The following CFAP20DC variants were observed in gnomAD, a reference collection of about 807,000 sequenced individuals.
CFAP20DC encodes protein CFAP20DC.
CFAP20DC carries 84 observed loss-of-function variants against 101.7 expected under a neutral mutation model. The ratio of observed to expected loss-of-function variants is 0.83; its 90% CI spans 0.69 to 0.99. The LOEUF is 0.99. Among genes scored for constraint, CFAP20DC ranks in the 50% least tolerant of loss-of-function variants. The probability of loss-of-function intolerance (pLI) is 0.00; values close to 1 mark genes in which losing one functional copy is unlikely to be tolerated. For missense variants in CFAP20DC, 1,007 were observed against 970.3 expected (o/e 1.04, Z -0.50); for synonymous variants, 359 against 351.2 (o/e 1.02, Z -0.25).
chr3:59,044,377 G>C (rs1479186856), intron 3 of CFAP20DC, among the ~76,000 whole-genome samples: 1 of 151,988 alleles, frequency 6.6e-6, no homozygotes, highest in Non-Finnish European at 1.5e-5. Flanking sequence ...TAACCTTAAA[G>C]GCATCAGTGC....
chr3:58,877,087 TA>T (rs1487623039), intron 7 of CFAP20DC, among the ~76,000 whole-genome samples: 1 of 152,072 alleles, frequency 6.6e-6, no homozygotes, highest in Non-Finnish European at 1.5e-5. Context: ...CAGTAGGGAG[TA>T]ATGCTATTAA....
Position 59,036,355 on chromosome 3 carries a change from T to C in CFAP20DC, c.278+3202A>G, listed in dbSNP as rs151292004. Among the ~76,000 whole-genome samples, 386 of 152,264 alleles carry C rather than the reference T, an allele frequency of 2.5e-3. 1 individual carries two copies. The highest frequency in any genetic ancestry group is 8.8e-3 in the African/African-American group (365 of 41,536). The stretch of plus-strand genomic sequence containing the variant: ...TCAAATAGGGAGAGAGGGAGTCAAA[T>C]TGTCCCTCTTTGCAGATGACATGAT... On this transcript the variant is annotated intron_variant, in intron 4 of 16. Coordinates refer to ENST00000482387, the MANE Select transcript of CFAP20DC (RefSeq NM_001394063.1).
At chr3:58,764,694 C>G (rs974540440) in intron 15 of CFAP20DC, among the ~76,000 whole-genome samples, 2 of 152,066 alleles carry the variant, frequency 1.3e-5, no homozygotes, top group Non-Finnish European at 2.9e-5. Flanking sequence ...ATGCCATGGA[C>G]TGACTCTATC....
At chr3:59,047,022 A>C in intron 2 of CFAP20DC, 143 bp downstream of exon 2, 1 of 610,494 alleles carries the variant, frequency 1.6e-6, no homozygotes, top group Non-Finnish European at 2.9e-6. Flanking sequence ...TGTCCAGGAC[A>C]GCTGCAGCCA....
intron 14 of CFAP20DC, among the ~76,000 whole-genome samples, chr3:58,822,458 G>A (rs1274565785): frequency 6.7e-6 from 1 of 149,558 alleles, no homozygotes; most frequent in African/African-American, 2.5e-5. Context: ...GAGGGGGAAG[G>A]GATAGCATCA....
In CFAP20DC at chr3:58,863,438, C is replaced by A; in HGVS notation, c.1593+120G>T. The stretch of plus-strand genomic sequence containing the variant: ...TGCAACTGTGGACTGACATGGCAAT[C>A]TGTTGCATTTTTATAAATAGCAGTT... On this transcript the variant is annotated intron_variant, in intron 12 of 16. Transcript: ENST00000482387. The surrounding 1 kb of genome is among the most constrained non-coding windows in gnomAD (Gnocchi z 5.9). 1 of 1,483,376 alleles carries A rather than the reference C, an allele frequency of 6.7e-7. No individual in the cohort carries two copies. Among genetic ancestry groups the A allele is most frequent in the South Asian group, 1.4e-5 (1 of 72,936 alleles). The allele number at this position is 1,483,376 out of a possible 1,614,324, so 91.9% of individuals were successfully genotyped here. A position where few individuals can be genotyped will look rare whatever the true frequency, so the allele number is the denominator to read the frequency against.
chr3:58,754,460 G>C (rs1041114238), intron 15 of CFAP20DC, among the ~76,000 whole-genome samples: 1 of 152,120 alleles, frequency 6.6e-6, no homozygotes, highest in African/African-American at 2.4e-5. Context: ...TACCTGGGGG[G>C]TAGAATTCAA....
At chr3:58,986,329 G>T (rs2092750141) in intron 4 of CFAP20DC, among the ~76,000 whole-genome samples, 1 of 152,086 alleles carries the variant, frequency 6.6e-6, no homozygotes, top group South Asian at 2.1e-4. Flanking sequence ...TAATATGTGT[G>T]CATGTGTGCA....
chr3:58,983,730 G>A (rs1462255740), intron 4 of CFAP20DC, among the ~76,000 whole-genome samples: 2 of 152,116 alleles, frequency 1.3e-5, no homozygotes, highest in African/African-American at 4.8e-5. Flanking sequence ...TCTGTGCCAA[G>A]TGCTATTCAA....
chr3:58,898,248 C>T (rs1294275603), intron 6 of CFAP20DC, among the ~76,000 whole-genome samples: 1 of 151,768 alleles, frequency 6.6e-6, no homozygotes. Context: ...GATCTCATCT[C>T]ATGGCAACCA....
At chr3:58,948,533 T>A (rs1467069880) in intron 4 of CFAP20DC, among the ~76,000 whole-genome samples, 1 of 152,218 alleles carries the variant, frequency 6.6e-6, no homozygotes, top group Non-Finnish European at 1.5e-5. Context: ...TTAAATAACA[T>A]GTAGTCCCAT....
chr3:58,737,858 T>A (rs1361004028), downstream of CFAP20DC, among the ~76,000 whole-genome samples: 1 of 152,196 alleles, frequency 6.6e-6, no homozygotes, highest in Non-Finnish European at 1.5e-5. The surrounding 1 kb of genome is among the most constrained non-coding windows in gnomAD (Gnocchi z 4.1). Context: ...TGTCCTCAGG[T>A]GACCTCTGTT....
chr3:58,862,210 G>A (rs2079308551), intron 12 of CFAP20DC: 1 of 984,746 alleles, frequency 1.0e-6, no homozygotes, highest in African/African-American at 1.7e-5. Flanking sequence ...TAGTAAGAGA[G>A]ATTGTGCTGT....
At chr3:58,932,862 C>A (rs2086914565) in intron 5 of CFAP20DC, among the ~76,000 whole-genome samples, 1 of 152,196 alleles carries the variant, frequency 6.6e-6, no homozygotes. Context: ...GAAACTGCAT[C>A]AACTAATGAG....
intron 6 of CFAP20DC, among the ~76,000 whole-genome samples, chr3:58,904,959 C>T (rs1355386711): frequency 1.3e-5 from 2 of 152,158 alleles, no homozygotes; most frequent in South Asian, 4.1e-4. Context: ...ATCTTTAATT[C>T]ATTAATTAAT....
rs554785199 is a variant in CFAP20DC at position 58,816,871 on chromosome 3, T to G, written c.2176-10415A>C. Among the ~76,000 whole-genome samples the G allele has an allele frequency of 1.2e-4, 19 of 152,292 alleles. No homozygotes were observed. The South Asian group carries it at 2.7e-3, about 22-fold the overall frequency. On this transcript the variant is annotated intron_variant, in intron 14 of 16. Coordinates refer to ENST00000482387, the MANE Select transcript of CFAP20DC (RefSeq NM_001394063.1). ...CAAACAAAAAGACAGCAGTAACCTC[T>G]GCAGACTTAAGTGTCCCTGTCTGAC... is the stretch of plus-strand genomic sequence containing the variant.
At chr3:58,733,427 A>C (rs1021448581) in intron 3 of CFAP20DC, among the ~76,000 whole-genome samples, 2 of 152,224 alleles carry the variant, frequency 1.3e-5, no homozygotes, top group Admixed American at 1.3e-4. Context: ...AACATTCGTC[A>C]TATACTCTGA....
At chr3:59,003,042 A>T (rs1295957211) in intron 4 of CFAP20DC, among the ~76,000 whole-genome samples, 1 of 152,200 alleles carries the variant, frequency 6.6e-6, no homozygotes, top group Non-Finnish European at 1.5e-5. Flanking sequence ...TAAGCGTTTC[A>T]AGAGATACCA....
intron 15 of CFAP20DC, among the ~76,000 whole-genome samples, chr3:58,803,385 G>C (rs979396599): frequency 3.3e-5 from 5 of 152,144 alleles, no homozygotes; most frequent in Non-Finnish European, 5.9e-5. Flanking sequence ...GTGGACTTCA[G>C]AGAATTACCT....
Sources: gnomAD v4.1 joint callset for allele counts (sites outside exome capture counted in the v4.1 genomes callset) on GRCh38, gnomAD v4.1.1 for gene constraint, Gnocchi (gnomAD v3.1) non-coding constraint, MANE v1.5 for transcripts, NCBI Gene and HGNC (gene_info 2026-07-23, HGNC 2026-07-21) for gene names.